Variants in FANCI observed in about 807,000 individuals in gnomAD.
FANCI encodes FA complementation group I, also known as Fanconi anemia group I protein.
A neutral mutation model predicts 176.1 loss-of-function variants in FANCI; 156 were observed. The observed-to-expected ratio is 0.89, with a 90% CI of 0.78 to 1.01. The LOEUF (loss-of-function observed/expected upper bound fraction) is 1.01. Among genes scored for constraint, FANCI ranks in the 50% least tolerant of loss-of-function variants. The probability of loss-of-function intolerance (pLI) is 0.00; values close to 1 mark genes in which losing one functional copy is unlikely to be tolerated. For synonymous variants in FANCI, 613 were observed against 541.7 expected (o/e 1.13, Z -1.83); for missense variants, 1,678 against 1,534.1 (o/e 1.09, Z -1.57).
chr15:89,260,286 C>T (rs2052661296), intron 3 of FANCI, among the ~76,000 whole-genome samples: 1 of 152,036 alleles, frequency 6.6e-6, no homozygotes, highest in South Asian at 2.1e-4. Context: ...ATGGAGATCC[C>T]CTTATCCAAA....
chr15:89,247,144 C>T (rs2052024224), intron 1 of FANCI, among the ~76,000 whole-genome samples: 1 of 150,932 alleles, frequency 6.6e-6, no homozygotes, highest in South Asian at 2.1e-4. Flanking sequence ...GATCATAGCT[C>T]ACTGCAGCCT....
intron 28 of FANCI, 45 bp from the exon 29 acceptor site, chr15:89,305,070 T>C (rs779777264): frequency 5.0e-6 from 8 of 1,609,592 alleles, no homozygotes; most frequent in African/African-American, 1.3e-5. Flanking sequence ...GCCACTGCAC[T>C]TGGCCACAAC....
At chr15:89,291,757 A>G in intron 20 of FANCI, 43 bp downstream of exon 20, 1 of 1,511,540 alleles carries the variant, frequency 6.6e-7, no homozygotes, top group Non-Finnish European at 9.2e-7. Context: ...TTTAGTATTA[A>G]GGATAGGGTT....
At chr15:89,273,567 C>T (rs1444981196) in intron 11 of FANCI, 98 bp downstream of exon 11, 1 of 780,406 alleles carries the variant, frequency 1.3e-6, no homozygotes, top group Non-Finnish European at 2.2e-6. Flanking sequence ...GTATCCGTTC[C>T]TAAACAATTT....
At position 89,280,104 on chromosome 15, in the gene FANCI, C is replaced by G. The variant is rs1272578580; in HGVS notation, c.1382-1066C>G. On this transcript the variant is annotated intron_variant, in intron 14 of 37. Coordinates refer to ENST00000310775, the MANE Select transcript of FANCI (RefSeq NM_001113378.2). ...TGGTGTGATCTCAGCTCACTGCAACCTCCGCCTCCCGGGTTCAAGCAATTC... is the reference window on the plus strand; with the variant it reads ...TGGTGTGATCTCAGCTCACTGCAACGTCCGCCTCCCGGGTTCAAGCAATTC... 2.6e-5 allele frequency among the ~76,000 whole-genome samples: 4 copies of G among 152,170 alleles called. No homozygotes were observed. In the East Asian group the frequency reaches 7.7e-4, roughly 29 times the overall value.
intron 34 of FANCI, among the ~76,000 whole-genome samples, chr15:89,312,372 AAC>A (rs560814010): frequency 1.3e-5 from 2 of 152,240 alleles, no homozygotes; most frequent in Non-Finnish European, 2.9e-5. Context: ...CTCTAAGAAC[AAC>A]AGATTGTAAA....
rs1356319036 is a variant in FANCI, at chr15:89,264,558, T to C, written c.706T>C (p.Phe236Leu). ...RKSVLEGIIAFFSALDKQHNE... is the reference protein window; with the variant it reads ...RKSVLEGIIALFSALDKQHNE... ...GAGTGTTTTGGAAGGAATCATAGCC[T>C]TCTTCAGTGCACTAGATAAGCAGCA... is the stretch of plus-strand genomic sequence containing the variant. Residue 236 changes from phenylalanine to leucine, a missense_variant, in exon 9 of 38, where the codon TTC (phenylalanine) becomes CTC (leucine). Physicochemically the swap from Phe to Leu is conservative, Grantham distance 22. This residue lies in a region of FANCI where 469 missense variants were observed against 436.9 expected (regional missense o/e 1.07). Transcript: ENST00000310775. 2 of 1,613,928 alleles carry C rather than the reference T, an allele frequency of 1.2e-6. No individual in the cohort carries two copies. The highest frequency in any genetic ancestry group is 1.7e-6 in the Non-Finnish European group (2 of 1,179,888).
chr15:89,248,691 C>T (rs1466165029), intron 2 of FANCI, among the ~76,000 whole-genome samples: 2 of 152,134 alleles, frequency 1.3e-5, no homozygotes, highest in Non-Finnish European at 2.9e-5. Context: ...TGAACACTGT[C>T]AAATTGAAGA....
At chr15:89,292,064 C>T (rs889769939) in intron 20 of FANCI, among the ~76,000 whole-genome samples, 9 of 152,146 alleles carry the variant, frequency 5.9e-5, no homozygotes, top group African/African-American at 2.2e-4. Context: ...CTTCATTAGT[C>T]TAGAGGAAGT....
chr15:89,287,599 C>T (rs2053870565), intron 18 of FANCI, among the ~76,000 whole-genome samples: 1 of 152,192 alleles, frequency 6.6e-6, no homozygotes, highest in Non-Finnish European at 1.5e-5. Flanking sequence ...TGCAAGAAGC[C>T]TAGCTTTTGA....
chr15:89,296,434 GT>G lies in FANCI; in HGVS notation c.2636+1345del, dbSNP rs1317029790. On this transcript the variant is annotated intron_variant, in intron 24 of 37. Coordinates refer to ENST00000310775, the MANE Select transcript of FANCI (RefSeq NM_001113378.2). Reference sequence around the variant, plus strand: ...TTTTTCGTTTTTTTTGTTTTGTTTTGTTTTTGTTTTTGTTTTTGTTTTTCCA... The same window carrying G: ...TTTTTCGTTTTTTTTGTTTTGTTTTGTTTTGTTTTTGTTTTTGTTTTTCCA... Among the ~76,000 whole-genome samples, 16 of 150,614 alleles carry G rather than the reference GT, an allele frequency of 1.1e-4. No individual in the cohort carries two copies. The South Asian group carries it at 1.5e-3, about 14-fold the overall frequency.
intron 2 of FANCI, among the ~76,000 whole-genome samples, chr15:89,251,159 ATAC>A (rs1041035289): frequency 5.3e-5 from 8 of 152,214 alleles, no homozygotes; most frequent in African/African-American, 1.4e-4. Flanking sequence ...ATCTCAAAAA[ATAC>A]TGTGAGACTA....
intron 34 of FANCI, among the ~76,000 whole-genome samples, chr15:89,310,833 G>C (rs1474269202): frequency 6.6e-6 from 1 of 152,210 alleles, no homozygotes; most frequent in Non-Finnish European, 1.5e-5. Context: ...TTTAAAAGAT[G>C]CTTCTCAAGG....
At chr15:89,250,754 G>A (rs2052211598) in intron 2 of FANCI, among the ~76,000 whole-genome samples, 1 of 150,578 alleles carries the variant, frequency 6.6e-6, no homozygotes, top group Non-Finnish European at 1.5e-5. Context: ...TGGAGGAAAA[G>A]AGATACAAAC....
chr15:89,266,328 A>ATTTT (rs549962840), intron 9 of FANCI, among the ~76,000 whole-genome samples: 5 of 130,070 alleles, frequency 3.8e-5, no homozygotes, highest in African/African-American at 1.4e-4. Flanking sequence ...TGCCTGGCTA[A>ATTTT]TTTTTTTTTT....
Position 89,303,867 on chromosome 15 carries a change from G to T in FANCI, c.3010G>T (p.Val1004Leu). 1 of 1,613,670 alleles carries T rather than the reference G, an allele frequency of 6.2e-7. No individual in the cohort carries two copies. Among genetic ancestry groups the T allele is most frequent in the Non-Finnish European group, 8.5e-7 (1 of 1,179,632 alleles). Residue 1004 changes from valine to leucine, a missense_variant, in exon 28 of 38, where the codon GTG (valine) becomes TTG (leucine). Coordinates refer to ENST00000310775, the MANE Select transcript of FANCI (RefSeq NM_001113378.2). ...ATCTGAATGATCTCTAATTTAGTTTGTGCAGATGTTATCCTGGACATCAAA... is the reference window on the plus strand; with the variant it reads ...ATCTGAATGATCTCTAATTTAGTTTTTGCAGATGTTATCCTGGACATCAAA... ...KLLEPSSPQF[V>L]QMLSWTSKIC...
intron 18 of FANCI, among the ~76,000 whole-genome samples, chr15:89,288,750 A>G (rs1196822731): frequency 6.7e-6 from 1 of 149,520 alleles, no homozygotes; most frequent in South Asian, 2.1e-4. Context: ...CCATCCCCAA[A>G]CGATTGGGAC....
chr15:89,259,810 A>C (rs913525649), intron 3 of FANCI, among the ~76,000 whole-genome samples: 1 of 152,204 alleles, frequency 6.6e-6, no homozygotes, highest in Admixed American at 6.5e-5. Flanking sequence ...TCTATGTTGT[A>C]ATATGTATCA....
chr15:89,281,276 A>G lies in FANCI; in HGVS notation c.1488A>G (p.Val496=). 3.1e-6 allele frequency: 5 copies of G among 1,613,890 alleles called. No homozygotes were observed. Among genetic ancestry groups the G allele is most frequent in the Non-Finnish European group, 4.2e-6 (5 of 1,179,846 alleles). ...DYLSFLPLQT[V]QRLLKAVQPL... is the part of the protein sequence containing the mutation. ...TGTCCTTTCTGCCCCTTCAGACTGT[A>G]CAAAGGCTGCTTAAGGCAGTGCAGG... Residue 496 remains valine (V), a synonymous_variant, in exon 15 of 38, where the codon GTA becomes GTG. Transcript: ENST00000310775.
Sources: allele counts gnomAD v4.1 joint callset (sites outside exome capture counted in the v4.1 genomes callset), GRCh38; gene constraint gnomAD v4.1.1; regional missense constraint gnomAD v4.1.1; transcripts MANE v1.5; gene names NCBI Gene and HGNC (gene_info 2026-07-23, HGNC 2026-07-21).